The following DOK5 variants were observed in gnomAD, a reference collection of about 807,000 sequenced individuals.
DOK5 encodes the protein docking protein 5.
Under a neutral mutation model 43.3 loss-of-function variants are expected in DOK5, and 27 were observed. The observed-to-expected ratio is 0.62, with a 90% CI of 0.46 to 0.86. The LOEUF (loss-of-function observed/expected upper bound fraction) is 0.86, where lower values mean the gene tolerates loss of function less well. Among genes scored for constraint, DOK5 ranks in the 40% least tolerant of loss-of-function variants. The pLI, the probability that DOK5 is intolerant of heterozygous loss-of-function variation, is 0.00. For missense variants in DOK5, 373 were observed against 392.9 expected (o/e 0.95, Z 0.43); for synonymous variants, 146 against 140.1 (o/e 1.04, Z -0.30).
Position 54,603,050 on chromosome 20 carries a change from C to A in DOK5, c.600-7338C>A, listed in dbSNP as rs188223833. Among the ~76,000 whole-genome samples, 507 of 152,266 alleles carry A rather than the reference C, an allele frequency of 3.3e-3. 3 individuals are homozygous for A. Among genetic ancestry groups the A allele is most frequent in the Admixed American group, 5.4e-3 (82 of 15,310 alleles). Reference sequence around the variant, plus strand: ...CTATTGATGTGATGATTCTAACTTACAAAAATATATTCGTTTAAGGAAAAT... The same window carrying A: ...CTATTGATGTGATGATTCTAACTTAAAAAAATATATTCGTTTAAGGAAAAT... On this transcript the variant is annotated intron_variant, in intron 5 of 7. Coordinates refer to ENST00000262593, the MANE Select transcript of DOK5 (RefSeq NM_018431.5).
chr20:54,523,751 G>A (rs954605106), intron 1 of DOK5, among the ~76,000 whole-genome samples: 1 of 148,328 alleles, frequency 6.7e-6, no homozygotes, highest in African/African-American at 2.6e-5. Flanking sequence ...GATTACAGGT[G>A]TGCACCACCA....
chr20:54,584,842 A>C (rs1985756317), intron 2 of DOK5, among the ~76,000 whole-genome samples: 2 of 151,390 alleles, frequency 1.3e-5, no homozygotes, highest in Non-Finnish European at 2.9e-5. Context: ...TCATGTTACT[A>C]TCTGGTGTCC....
intron 6 of DOK5, among the ~76,000 whole-genome samples, chr20:54,618,156 A>T (rs1391451954): frequency 6.6e-6 from 1 of 152,164 alleles, no homozygotes; most frequent in African/African-American, 2.4e-5. Context: ...TATAGATGAG[A>T]AAAGGGATGT....
chr20:54,482,843 A>G (rs966204647), intron 1 of DOK5, among the ~76,000 whole-genome samples: 2 of 152,212 alleles, frequency 1.3e-5, no homozygotes, highest in Admixed American at 6.5e-5. Context: ...ACATGCACAT[A>G]TATGCACATA....
At chr20:54,496,267 C>A (rs1982387155) in intron 1 of DOK5, among the ~76,000 whole-genome samples, 1 of 152,132 alleles carries the variant, frequency 6.6e-6, no homozygotes, top group Non-Finnish European at 1.5e-5. Flanking sequence ...TTAGAAATAC[C>A]AGTTTCTCCT....
chr20:54,501,723 A>C (rs1982616796), intron 1 of DOK5, among the ~76,000 whole-genome samples: 1 of 152,176 alleles, frequency 6.6e-6, no homozygotes, highest in Admixed American at 6.5e-5. Context: ...TAAATTCTTT[A>C]ACTCATTTAG....
intron 2 of DOK5, among the ~76,000 whole-genome samples, chr20:54,564,491 A>T (rs1272411889): frequency 2.0e-5 from 3 of 152,238 alleles, no homozygotes; most frequent in Non-Finnish European, 2.9e-5. Flanking sequence ...GGTCAACACC[A>T]TTGAAACCAT....
intron 5 of DOK5, among the ~76,000 whole-genome samples, chr20:54,601,125 A>G (rs1223551437): frequency 1.3e-5 from 2 of 152,218 alleles, no homozygotes; most frequent in African/African-American, 4.8e-5. Context: ...ACCCTCCAGG[A>G]GCAGCTAAGA....
rs6512980 is a variant in DOK5, at chr20:54,627,593, G to T, written c.736-15865G>T. On this transcript the variant is annotated intron_variant, in intron 6 of 7. Transcript: ENST00000262593. ...GGTTGAAAGCGGAGAGAGCCTCTAG[G>T]GTCTGAGGGTAAATGTGTCTGTGGC... is the stretch of plus-strand genomic sequence containing the variant. Among the ~76,000 whole-genome samples the T allele has an allele frequency of 7.5e-3, 1,136 of 152,292 alleles. 5 individuals are homozygous for T. Among genetic ancestry groups the T allele is most frequent in the African/African-American group, 0.026 (1,074 of 41,542 alleles).
Position 54,475,893 on chromosome 20 carries a change from G to C in DOK5, c.-54G>C, listed in dbSNP as rs1352113121. 6.2e-7 allele frequency: 1 copy of C among 1,604,988 alleles called. No individual in the cohort carries two copies. Among genetic ancestry groups the C allele is most frequent in the Non-Finnish European group, 8.5e-7 (1 of 1,176,662 alleles). ...TTGACCCTGCCCTCCACCCTCCCCA[G>C]AGCCACTTCGGGTGCGCGCTCTTGG... On this transcript the variant is annotated 5_prime_UTR_variant, in exon 1 of 8. Transcript: ENST00000262593. The surrounding 1 kb of genome is among the most constrained non-coding windows in gnomAD (Gnocchi z 4.2).
At chr20:54,520,405 G>A (rs1983353736) in intron 1 of DOK5, among the ~76,000 whole-genome samples, 1 of 152,018 alleles carries the variant, frequency 6.6e-6, no homozygotes, top group South Asian at 2.1e-4. Flanking sequence ...CTTCTAACTT[G>A]TTTCCTTTTC....
At chr20:54,504,616 G>A (rs1982736556) in intron 1 of DOK5, among the ~76,000 whole-genome samples, 1 of 152,158 alleles carries the variant, frequency 6.6e-6, no homozygotes, top group South Asian at 2.1e-4. Context: ...AGGATACAGG[G>A]GTGATTGGAG....
chr20:54,481,013 T>TATCA (rs772199599), intron 1 of DOK5, among the ~76,000 whole-genome samples: 2 of 123,488 alleles, frequency 1.6e-5, no homozygotes, highest in African/African-American at 7.3e-5. Flanking sequence ...ATCTATCATC[T>TATCA]ATCTATCTAT....
chr20:54,623,289 C>G (rs1295774129), intron 6 of DOK5, among the ~76,000 whole-genome samples: 1 of 152,076 alleles, frequency 6.6e-6, no homozygotes, highest in Non-Finnish European at 1.5e-5. Flanking sequence ...TGAGCTTGCC[C>G]CAAATGTCAA....
chr20:54,489,884 G>A (rs1037966476), intron 1 of DOK5, among the ~76,000 whole-genome samples: 1 of 152,160 alleles, frequency 6.6e-6, no homozygotes, highest in Non-Finnish European at 1.5e-5. Context: ...GTATTCACAT[G>A]TAGAATTTCA....
intron 5 of DOK5, among the ~76,000 whole-genome samples, chr20:54,593,141 C>T (rs1258974041): frequency 3.3e-5 from 5 of 151,754 alleles, no homozygotes; most frequent in African/African-American, 7.3e-5. Context: ...ACCTGTAGTC[C>T]CAGCTACTCA....
intron 1 of DOK5, among the ~76,000 whole-genome samples, chr20:54,521,487 A>G (rs1329627519): frequency 6.6e-6 from 1 of 152,140 alleles, no homozygotes; most frequent in African/African-American, 2.4e-5. Context: ...CTTTACTTAT[A>G]TTTACTGGAT....
intron 1 of DOK5, among the ~76,000 whole-genome samples, chr20:54,554,669 A>G (rs1052663595): frequency 1.3e-5 from 2 of 152,186 alleles, no homozygotes; most frequent in Non-Finnish European, 2.9e-5. Flanking sequence ...CTTTTTTCTG[A>G]AATATACCTA....
chr20:54,588,752 A>G lies in DOK5; in HGVS notation c.355A>G (p.Ile119Val), dbSNP rs1208273523. Reference protein sequence around the residue: ...MECVGTRINDISLGEPDLLAT... With the variant: ...MECVGTRINDVSLGEPDLLAT... ...GTGTGTAGGAACACGGATCAATGAC[A>G]TCAGCCTTGGAGAGCCTGACTTACT... The change falls in exon 4 of 8, where the codon ATC becomes GTC. Residue 119 changes from isoleucine to valine, a missense_variant. By Grantham distance (29) the Ile-to-Val change is conservative. Coordinates refer to ENST00000262593, the MANE Select transcript of DOK5 (RefSeq NM_018431.5). 2 of 1,613,984 alleles carry G rather than the reference A, an allele frequency of 1.2e-6. No homozygotes were observed. Among genetic ancestry groups the G allele is most frequent in the South Asian group, 2.2e-5 (2 of 91,088 alleles).
Sources: allele counts gnomAD v4.1 joint callset (sites outside exome capture counted in the v4.1 genomes callset), GRCh38; gene constraint gnomAD v4.1.1; non-coding constraint Gnocchi (gnomAD v3.1); transcripts MANE v1.5; gene names NCBI Gene and HGNC (gene_info 2026-07-23, HGNC 2026-07-21).